The following IGSF3 variants were observed in gnomAD, a reference collection of about 807,000 sequenced individuals.
IGSF3 encodes immunoglobulin superfamily member 3.
Under a neutral mutation model 114.4 loss-of-function variants are expected in IGSF3, and 23 were observed. The observed-to-expected ratio is 0.20, with a 90% CI of 0.14 to 0.28. IGSF3 has a LOEUF of 0.28. Ranked by LOEUF, IGSF3 falls within the 10% of genes least tolerant of loss-of-function variation. IGSF3 has a pLI of 1.00. For missense variants in IGSF3, 1,172 were observed against 1,591.5 expected (o/e 0.74, Z 4.48); for synonymous variants, 571 against 645.2 (o/e 0.88, Z 1.74).
In IGSF3 at chr1:116,600,936, C is replaced by T. The variant is rs142610287; in HGVS notation, c.1625-591G>A. On this transcript the variant is annotated intron_variant, in intron 6 of 10. Coordinates refer to ENST00000369486, the MANE Select transcript of IGSF3 (RefSeq NM_001007237.3). The surrounding 1 kb of genome is among the most constrained non-coding windows in gnomAD (Gnocchi z 5.5). ...TAAATGCAGGGTTCTGCAGGCTCAG[C>T]GGCTGTGGGTCTCTCAATATTCCTT... Among the ~76,000 whole-genome samples the T allele has an allele frequency of 9.4e-4, 143 of 152,276 alleles. 2 individuals are homozygous for T. The highest frequency in any genetic ancestry group is 3.3e-3 in the African/African-American group (135 of 41,536).
intron 2 of IGSF3, among the ~76,000 whole-genome samples, chr1:116,645,446 A>T (rs187341511): frequency 6.6e-6 from 1 of 152,354 alleles, no homozygotes; most frequent in East Asian, 1.9e-4. Flanking sequence ...GTGGCTGCTC[A>T]TGTTTGTCAA....
In IGSF3 at chr1:116,624,504, C is replaced by A. The variant is rs1198790076; in HGVS notation, c.44-8047G>T. Among the ~76,000 whole-genome samples, 1 of 152,220 alleles carries A rather than the reference C, an allele frequency of 6.6e-6. No individual in the cohort carries two copies. Among genetic ancestry groups the A allele is most frequent in the Non-Finnish European group, 1.5e-5 (1 of 68,038 alleles). On this transcript the variant is annotated intron_variant, in intron 2 of 10. Transcript: ENST00000369486. The surrounding 1 kb of genome is among the most constrained non-coding windows in gnomAD (Gnocchi z 4.9). ...TAAGTGCTCAATAAATGTTTAGCCA[C>A]TAGTTGCAGTAGTAGCAATAGTAGT...
rs1173899490 is a variant in IGSF3, at chr1:116,650,407, C to T, written c.43+15877G>A. Among the ~76,000 whole-genome samples, 2 of 152,224 alleles carry T rather than the reference C, an allele frequency of 1.3e-5. No individual in the cohort carries two copies. Among genetic ancestry groups the T allele is most frequent in the African/African-American group, 4.8e-5 (2 of 41,462 alleles). On this transcript the variant is annotated intron_variant, in intron 2 of 10. Transcript: ENST00000369486. This position sits in a 1 kb window ranked among gnomAD's most constrained non-coding sequence, Gnocchi z 5.0. ...CTGCATTTCCTTTTACAATGAAAAA[C>T]ATCTTTCCCAGAATCTCCCAGCAGA...
rs1007937701 is a variant in IGSF3 at position 116,614,274 on chromosome 1, G to A, written c.422-99C>T. On this transcript the variant is annotated intron_variant, in intron 3 of 10. Transcript: ENST00000369486. The surrounding 1 kb of genome is among the most constrained non-coding windows in gnomAD (Gnocchi z 4.5). ...TTCCACGCAGGCGTCACTGCACTGC[G>A]CCCCTAACAGTCATCCTTGAACCAT... 72 of 914,942 alleles carry A rather than the reference G, an allele frequency of 7.9e-5. No homozygotes were observed. The African/African-American group carries it at 9.3e-4, about 12-fold the overall frequency. The allele number at this position is 914,942 out of a possible 1,614,324, so 56.7% of individuals were successfully genotyped here. A position where few individuals can be genotyped will look rare whatever the true frequency, so the allele number is the denominator to read the frequency against.
At position 116,667,667 on chromosome 1, in the gene IGSF3, A is replaced by T. The variant is rs1414680574; in HGVS notation, c.-680T>A. 1 of 151,020 alleles carries T rather than the reference A, an allele frequency of 6.6e-6. No individual in the cohort carries two copies. The highest frequency in any genetic ancestry group is 1.5e-5 in the Non-Finnish European group (1 of 67,692). 9.4% of individuals were successfully genotyped at this position (151,020 alleles called of 1,614,324 possible). On this transcript the variant is annotated 5_prime_UTR_variant, in exon 1 of 11. The change abolishes an upstream ATG in the 5' untranslated region. Coordinates refer to ENST00000369486, the MANE Select transcript of IGSF3 (RefSeq NM_001007237.3). The stretch of plus-strand genomic sequence containing the variant: ...CGCGCGTCGGACCGTCCTTCAGTCC[A>T]TCCAGGCGCACGCCTCAGGGGACGC...
chr1:116,615,198 C>CG lies in IGSF3; in HGVS notation c.421+881dup, dbSNP rs1310951458. The stretch of plus-strand genomic sequence containing the variant: ...CTGAGGCAGAAGAATTGCTTGAACC[C>CG]GGGAGGTGGAGGTTGCAGTGAGCCA... On this transcript the variant is annotated intron_variant, in intron 3 of 10. Transcript: ENST00000369486. This position sits in a 1 kb window ranked among gnomAD's most constrained non-coding sequence, Gnocchi z 4.3. Among the ~76,000 whole-genome samples, 1 of 151,910 alleles carries CG rather than the reference C, an allele frequency of 6.6e-6. No homozygotes were observed. Among genetic ancestry groups the CG allele is most frequent in the Non-Finnish European group, 1.5e-5 (1 of 68,000 alleles).
chr1:116,658,914 A>G (rs1648994747), intron 2 of IGSF3, among the ~76,000 whole-genome samples: 1 of 152,176 alleles, frequency 6.6e-6, no homozygotes, highest in Non-Finnish European at 1.5e-5. Context: ...CCTCTCCTAG[A>G]GGGCAGGGAC....
rs750382117 is a variant in IGSF3 at position 116,606,566 on chromosome 1, T to C, written c.1222+1376A>G. 5 of 808,960 alleles carry C rather than the reference T, an allele frequency of 6.2e-6. No individual in the cohort carries two copies. In the South Asian group the frequency reaches 6.7e-5, roughly 11 times the overall value. The allele number at this position is 808,960 out of a possible 1,614,324, so 50.1% of individuals were successfully genotyped here. On this transcript the variant is annotated intron_variant, in intron 5 of 10. Coordinates refer to ENST00000369486, the MANE Select transcript of IGSF3 (RefSeq NM_001007237.3). The stretch of plus-strand genomic sequence containing the variant: ...CCAGTTATCTGCTGGAAAAGCAATA[T>C]AGCAGGCCACAGATCATCAAACAAG...
intron 2 of IGSF3, among the ~76,000 whole-genome samples, chr1:116,631,079 G>A (rs1199078786): frequency 6.6e-6 from 1 of 152,076 alleles, no homozygotes; most frequent in Non-Finnish European, 1.5e-5. Flanking sequence ...AGCACTTTGG[G>A]AGGCCGAGGC....
At position 116,647,814 on chromosome 1, in the gene IGSF3, G is replaced by A. The variant is rs936763099; in HGVS notation, c.43+18470C>T. 2.6e-5 allele frequency among the ~76,000 whole-genome samples: 4 copies of A among 152,166 alleles called. No homozygotes were observed. Among genetic ancestry groups the A allele is most frequent in the Non-Finnish European group, 4.4e-5 (3 of 68,020 alleles). ...CAGCCAGAAGCAGTGTGTAAAATAAGAGCAGCTGACTGGGCACGGTGGCTC... is the reference window on the plus strand; with the variant it reads ...CAGCCAGAAGCAGTGTGTAAAATAAAAGCAGCTGACTGGGCACGGTGGCTC... On this transcript the variant is annotated intron_variant, in intron 2 of 10. Transcript: ENST00000369486. This position sits in a 1 kb window ranked among gnomAD's most constrained non-coding sequence, Gnocchi z 4.6.
chr1:116,577,358 C>T lies in IGSF3; in HGVS notation c.3539G>A (p.Cys1180Tyr), dbSNP rs1377252317. Residue 1180 changes from cysteine to tyrosine, a missense_variant, in exon 11 of 11, where the codon TGC (cysteine) becomes TAC (tyrosine). Around this residue, in one of 3 missense-constraint regions of IGSF3, gnomAD observed 423 missense variants for 509.8 expected, o/e 0.83. Transcript: ENST00000369486. This position sits in a 1 kb window ranked among gnomAD's most constrained non-coding sequence, Gnocchi z 5.7. ...KEPHLNYSPT[C>Y]LEPPVLSIHP... ...GATACTGAGAACAGGGGGCTCCAGG[C>T]AAGTAGGGGAGTAGTTGAGGTGTGG... is the stretch of plus-strand genomic sequence containing the variant. The T allele has an allele frequency of 5.0e-6, 8 of 1,614,088 alleles. No individual in the cohort carries two copies. Among genetic ancestry groups the T allele is most frequent in the Non-Finnish European group, 6.8e-6 (8 of 1,180,026 alleles).
rs764166157 is a variant in IGSF3, at chr1:116,613,926, A to G, written c.671T>C (p.Leu224Pro). ...QSLGEVRLDK[L>P]GRTTFRLTIF... ...GGTGAGGCGGAAGGTGGTCCTCCCCAGCTTGTCCAGCCGCACCTCCCCCAG... is the reference window on the plus strand; with the variant it reads ...GGTGAGGCGGAAGGTGGTCCTCCCCGGCTTGTCCAGCCGCACCTCCCCCAG... The change falls in exon 4 of 11, where the codon CTG (leucine) becomes CCG (proline). Residue 224 changes from leucine to proline, a missense_variant. Transcript: ENST00000369486. 4 of 1,613,754 alleles carry G rather than the reference A, an allele frequency of 2.5e-6. No homozygotes were observed. Among genetic ancestry groups the G allele is most frequent in the South Asian group, 2.2e-5 (2 of 91,078 alleles).
chr1:116,588,937 T>A lies in IGSF3; in HGVS notation c.2197A>T (p.Thr733Ser), dbSNP rs1571124370. The A allele has an allele frequency of 1.2e-6, 2 of 1,614,096 alleles. No homozygotes were observed. Among genetic ancestry groups the A allele is most frequent in the Non-Finnish European group, 1.7e-6 (2 of 1,180,008 alleles). ...SDADGKLILK[T>S]THNSAFEYGT... ...TATTCAAAGGCGGAGTTGTGGGTGGTCTTCAGGATAAGCTTGCCATCGGCA... is the reference window on the plus strand; with the variant it reads ...TATTCAAAGGCGGAGTTGTGGGTGGACTTCAGGATAAGCTTGCCATCGGCA... Residue 733 changes from threonine to serine, a missense_variant, in exon 8 of 11, where the codon ACC becomes TCC. This residue lies in a region of IGSF3 where 736 missense variants were observed against 1,042.0 expected (regional missense o/e 0.71). Coordinates refer to ENST00000369486, the MANE Select transcript of IGSF3 (RefSeq NM_001007237.3). This position sits in a 1 kb window ranked among gnomAD's most constrained non-coding sequence, Gnocchi z 4.9.
chr1:116,599,387 C>CAT (rs886290988), intron 7 of IGSF3, among the ~76,000 whole-genome samples: 3 of 120,248 alleles, frequency 2.5e-5, no homozygotes, highest in East Asian at 2.0e-4. Flanking sequence ...CAGACACATA[C>CAT]ATATACACAC....
At chr1:116,626,551 C>T (rs2101032967) in intron 2 of IGSF3, among the ~76,000 whole-genome samples, 1 of 152,184 alleles carries the variant, frequency 6.6e-6, no homozygotes, top group African/African-American at 2.4e-5. Context: ...TATCCTTTCC[C>T]CACCTGAATT....
At position 116,623,730 on chromosome 1, in the gene IGSF3, G is replaced by A. The variant is rs563433718; in HGVS notation, c.44-7273C>T. The stretch of plus-strand genomic sequence containing the variant: ...TGGAACCATAAAACCAGGACAGCTC[G>A]AGGTTCAGCTTCCCAAGCCCACAGG... On this transcript the variant is annotated intron_variant, in intron 2 of 10. Coordinates refer to ENST00000369486, the MANE Select transcript of IGSF3 (RefSeq NM_001007237.3). Among the ~76,000 whole-genome samples the A allele has an allele frequency of 9.2e-5, 14 of 152,074 alleles. No individual in the cohort carries two copies. In the East Asian group the frequency reaches 2.7e-3, roughly 30 times the overall value.
rs935838152 is a variant in IGSF3, at chr1:116,593,899, T to C, written c.2030-4795A>G. 2.6e-5 allele frequency among the ~76,000 whole-genome samples: 4 copies of C among 152,244 alleles called. No homozygotes were observed. The highest frequency in any genetic ancestry group is 2.6e-4 in the Admixed American group (4 of 15,278). Reference sequence around the variant, plus strand: ...AAGCCATTAAAGATGTAAAATTGTATCTGGGACAACTCCATGCAACAAAAC... The same window carrying C: ...AAGCCATTAAAGATGTAAAATTGTACCTGGGACAACTCCATGCAACAAAAC... On this transcript the variant is annotated intron_variant, in intron 7 of 10. Coordinates refer to ENST00000369486, the MANE Select transcript of IGSF3 (RefSeq NM_001007237.3). This position sits in a 1 kb window ranked among gnomAD's most constrained non-coding sequence, Gnocchi z 4.5.
At position 116,650,323 on chromosome 1, in the gene IGSF3, C is replaced by T. The variant is rs961118109; in HGVS notation, c.43+15961G>A. On this transcript the variant is annotated intron_variant, in intron 2 of 10. Transcript: ENST00000369486. The surrounding 1 kb of genome is among the most constrained non-coding windows in gnomAD (Gnocchi z 5.0). The stretch of plus-strand genomic sequence containing the variant: ...TGCTGGCCTCAACAAACCTGCTTTC[C>T]TCATTGCAACAAGATGGCTGCTTCA... Among the ~76,000 whole-genome samples the T allele has an allele frequency of 6.6e-5, 10 of 152,214 alleles. No individual in the cohort carries two copies. Among genetic ancestry groups the T allele is most frequent in the Non-Finnish European group, 1.3e-4 (9 of 68,036 alleles).
Position 116,647,931 on chromosome 1 carries a change from C to T in IGSF3, c.43+18353G>A, listed in dbSNP as rs1170495696. ...CCAGCCTGGCCAACATGAAGAAACC[C>T]CATCTCTACTACAAATACAAAAATT... On this transcript the variant is annotated intron_variant, in intron 2 of 10. Transcript: ENST00000369486. The surrounding 1 kb of genome is among the most constrained non-coding windows in gnomAD (Gnocchi z 4.6). Among the ~76,000 whole-genome samples the T allele has an allele frequency of 2.0e-5, 3 of 152,184 alleles. No homozygotes were observed. Among genetic ancestry groups the T allele is most frequent in the Non-Finnish European group, 4.4e-5 (3 of 68,032 alleles).
Sources: gnomAD v4.1 joint callset for allele counts (sites outside exome capture counted in the v4.1 genomes callset) on GRCh38, gnomAD v4.1.1 for gene constraint, gnomAD v4.1.1 regional missense constraint, Gnocchi (gnomAD v3.1) non-coding constraint, MANE v1.5 for transcripts, NCBI Gene and HGNC (gene_info 2026-07-23, HGNC 2026-07-21) for gene names.